The following HEATR5B variants were observed in gnomAD, a reference collection of about 807,000 sequenced individuals.
HEATR5B encodes HEAT repeat-containing protein 5B.
A neutral mutation model predicts 224.1 loss-of-function variants in HEATR5B; 156 were observed. That is an observed-to-expected ratio of 0.70 (90% CI 0.61 to 0.80). The LOEUF is 0.80. Ranked by LOEUF, HEATR5B falls within the 30% of genes least tolerant of loss-of-function variation. The probability of loss-of-function intolerance (pLI) is 0.00; values close to 1 mark genes in which losing one functional copy is unlikely to be tolerated. For missense variants in HEATR5B, 2,323 were observed against 2,535.5 expected, an observed-to-expected ratio of 0.92 and a Z score of 1.80; for synonymous variants, 1,027 against 893.0, an observed-to-expected ratio of 1.15 and a Z score of -2.68.
chr2:37,072,312 T>A lies in HEATR5B; in HGVS notation c.598-31A>T, dbSNP rs941237214. The A allele has an allele frequency of 2.1e-6, 3 of 1,462,560 alleles. No homozygotes were observed. The African/African-American group carries it at 4.2e-5, about 20-fold the overall frequency. The allele number at this position is 1,462,560 out of a possible 1,614,324, so 90.6% of individuals were successfully genotyped here. Reference sequence around the variant, plus strand: ...ATTAAAAACAAAAAAGTAAATAACATCCTATAACATCTGCTTCCAGAGATG... The same window carrying A: ...ATTAAAAACAAAAAAGTAAATAACAACCTATAACATCTGCTTCCAGAGATG... On this transcript the variant is annotated intron_variant, in intron 5 of 35. Transcript: ENST00000233099.
intron 35 of HEATR5B, among the ~76,000 whole-genome samples, chr2:36,982,122 C>T (rs544905181): frequency 2.6e-5 from 4 of 151,838 alleles, no homozygotes; most frequent in Admixed American, 6.6e-5. Context: ...AAAATTTTTA[C>T]GGGCATTCTA....
chr2:37,008,442 C>G (rs1667568042), intron 28 of HEATR5B, 169 bp downstream of exon 28: 1 of 611,640 alleles, frequency 1.6e-6, no homozygotes, highest in African/African-American at 1.8e-5. Flanking sequence ...TATCTTCTAT[C>G]TACAAATTCA....
chr2:37,081,302 T>C (rs1164366853), intron 2 of HEATR5B, among the ~76,000 whole-genome samples: 2 of 152,234 alleles, frequency 1.3e-5, no homozygotes, highest in African/African-American at 4.8e-5. Flanking sequence ...ACATGTGCCA[T>C]GTTGGTGTGC....
At chr2:37,075,454 G>A in intron 5 of HEATR5B, 31 bp downstream of exon 5, 3 of 1,550,906 alleles carry the variant, frequency 1.9e-6, no homozygotes, top group African/African-American at 1.4e-5. Context: ...GAAGGATAAA[G>A]AGCAGTATTC....
In HEATR5B at chr2:37,042,081, AAG is replaced by A. The variant is rs541318254; in HGVS notation, c.2697-791_2697-790del. On this transcript the variant is annotated intron_variant, in intron 18 of 35. Coordinates refer to ENST00000233099, the MANE Select transcript of HEATR5B (RefSeq NM_019024.3). ...TTTTAAATGAATTCAAATACATAAA[AAG>A]AGATGAACATTACTTTAAAAAATAA... 3.0e-3 allele frequency among the ~76,000 whole-genome samples: 456 copies of A among 152,276 alleles called. 1 individual carries two copies. Among genetic ancestry groups the A allele is most frequent in the African/African-American group, 0.01 (419 of 41,558 alleles).
rs1326884760 is a variant in HEATR5B, at chr2:37,008,630, A to G, written c.4503T>C (p.Ser1501=). 2 of 1,613,052 alleles carry G rather than the reference A, an allele frequency of 1.2e-6. No individual in the cohort carries two copies. Among genetic ancestry groups the G allele is most frequent in the Non-Finnish European group, 1.7e-6 (2 of 1,178,992 alleles). The stretch of plus-strand genomic sequence containing the variant: ...ACTCACCATCTGGAGGAAGCTGACT[A>G]GAAAATTCGGCTGGTAAAGTCAAGA... ...YALLTLPAEF[S]SQLPPDGGAF... The change falls in exon 28 of 36, where the codon TCT becomes TCC. Residue 1501 remains serine (S), a synonymous_variant. Transcript: ENST00000233099.
chr2:37,066,524 C>G (rs1463727713), intron 8 of HEATR5B, among the ~76,000 whole-genome samples: 3 of 152,172 alleles, frequency 2.0e-5, no homozygotes, highest in Non-Finnish European at 4.4e-5. Context: ...TAAGTTACCT[C>G]TTACTGGAAT....
intron 27 of HEATR5B, among the ~76,000 whole-genome samples, chr2:37,013,046 AAAC>A (rs35999040): frequency 0.029 from 4,377 of 152,354 alleles, 92 homozygotes; most frequent in East Asian, 0.12. Context: ...AGCTGAAGCT[AAAC>A]AACACTTTGT....
At chr2:37,066,611 T>A (rs1295939217) in intron 8 of HEATR5B, among the ~76,000 whole-genome samples, 1 of 152,158 alleles carries the variant, frequency 6.6e-6, no homozygotes, top group Admixed American at 6.5e-5. Flanking sequence ...TCGAAATGTG[T>A]TTGACAAGAG....
intron 29 of HEATR5B, 108 bp from the exon 30 acceptor site, chr2:37,005,867 A>G (rs1667383747): frequency 1.2e-6 from 1 of 802,254 alleles, no homozygotes; most frequent in Admixed American, 3.2e-5. Context: ...CTTAACATGT[A>G]TTTATTAATA....
At chr2:37,072,083 G>T in intron 6 of HEATR5B, 27 bp downstream of exon 6, 1 of 1,590,238 alleles carries the variant, frequency 6.3e-7, no homozygotes, top group African/African-American at 1.3e-5. Context: ...GTCTGTTATG[G>T]TCTAAATCAA....
intron 4 of HEATR5B, 32 bp from the exon 5 acceptor site, chr2:37,075,666 T>C: frequency 1.3e-6 from 2 of 1,546,170 alleles, no homozygotes; most frequent in South Asian, 1.2e-5. Flanking sequence ...AACTATTTTG[T>C]AAAATAAATT....
chr2:37,064,830 T>G lies in HEATR5B; in HGVS notation c.1494A>C (p.Pro498=), dbSNP rs202158826. Residue 498 remains proline (P), a synonymous_variant, in exon 10 of 36, where the codon CCA becomes CCC. Transcript: ENST00000233099. ...CAAAACTATATCCACTGACAGCTTC[T>G]GGTGAGGTCTTCAAGTTGTTGAGCC... ...AERLNNLKTS[P]EAVSGYSFAM... is the part of the protein sequence containing the mutation. 6.2e-7 allele frequency: 1 copy of G among 1,614,128 alleles called. No individual in the cohort carries two copies. Among genetic ancestry groups the G allele is most frequent in the East Asian group, 2.2e-5 (1 of 44,878 alleles).
At chr2:37,033,125 CACCTCA>C (rs909825514) in intron 21 of HEATR5B, among the ~76,000 whole-genome samples, 1 of 151,992 alleles carries the variant, frequency 6.6e-6, no homozygotes, top group Non-Finnish European at 1.5e-5. Context: ...GTGATCCGCC[CACCTCA>C]GCCTCCCAAA....
chr2:37,010,774 C>T (rs1667737063), intron 27 of HEATR5B, among the ~76,000 whole-genome samples: 1 of 151,914 alleles, frequency 6.6e-6, no homozygotes, highest in Non-Finnish European at 1.5e-5. Flanking sequence ...TCAGCCTCCC[C>T]AAGTGCCCAG....
intron 18 of HEATR5B, among the ~76,000 whole-genome samples, chr2:37,041,813 TTTTAA>T (rs1269391968): frequency 6.6e-6 from 1 of 151,404 alleles, no homozygotes; most frequent in African/African-American, 2.4e-5. Context: ...ATAAAGCCTA[TTTTAA>T]TTTTAGAGAA....
chr2:37,049,850 TAAAAAAAA>T lies in HEATR5B; in HGVS notation c.2506-15_2506-8del. 10 of 1,000,646 alleles carry T rather than the reference TAAAAAAAA, an allele frequency of 1.0e-5. No individual in the cohort carries two copies. The highest frequency in any genetic ancestry group is 5.7e-5 in the East Asian group (1 of 17,562). 62.0% of individuals were successfully genotyped at this position (1,000,646 alleles called of 1,614,324 possible). Reference sequence around the variant, plus strand: ...TTTTGTTTTCAGCTAAGCCCTACATTAAAAAAAAAAAAAAAAAAAAGACAGCAATTCAT... The same window carrying T: ...TTTTGTTTTCAGCTAAGCCCTACATTAAAAAAAAAAAAGACAGCAATTCAT... On this transcript the variant is annotated splice_polypyrimidine_tract_variant and splice_region_variant and intron_variant, in intron 17 of 35. Coordinates refer to ENST00000233099, the MANE Select transcript of HEATR5B (RefSeq NM_019024.3).
At chr2:37,001,934 T>G (rs1191985076) in intron 32 of HEATR5B, among the ~76,000 whole-genome samples, 1 of 152,246 alleles carries the variant, frequency 6.6e-6, no homozygotes, top group Non-Finnish European at 1.5e-5. Context: ...CCCAAAGTGC[T>G]GGGATTATAG....
chr2:37,011,395 A>G (rs1313359010), intron 27 of HEATR5B, among the ~76,000 whole-genome samples: 1 of 152,210 alleles, frequency 6.6e-6, no homozygotes, highest in South Asian at 2.1e-4. Context: ...CTCTGCAGGC[A>G]ATGGGGAAGC....
Sources: gnomAD v4.1 joint callset for allele counts (sites outside exome capture counted in the v4.1 genomes callset) on GRCh38, gnomAD v4.1.1 for gene constraint, MANE v1.5 for transcripts, NCBI Gene and HGNC (gene_info 2026-07-23, HGNC 2026-07-21) for gene names.